Variants in SGCZ observed in about 807,000 individuals in gnomAD.
The protein encoded by SGCZ is zeta-sarcoglycan.
SGCZ carries 40 observed loss-of-function variants against 41.3 expected under a neutral mutation model. The observed-to-expected ratio is 0.97, with a 90% CI of 0.75 to 1.26. The LOEUF is 1.26. SGCZ is among the 50% of genes most tolerant of loss of function. The pLI is 0.00. For missense variants in SGCZ, 552 were observed against 369.8 expected (o/e 1.49, Z -4.04); for synonymous variants, 206 against 137.5 (o/e 1.50, Z -3.49).
chr8:14,475,960 C>A (rs1005116258), intron 2 of SGCZ, among the ~76,000 whole-genome samples: 5 of 151,768 alleles, frequency 3.3e-5, no homozygotes. Flanking sequence ...TACAGGTTTG[C>A]GCCACCATGC....
intron 1 of SGCZ, among the ~76,000 whole-genome samples, chr8:14,948,918 G>T (rs1800540848): frequency 1.3e-5 from 2 of 151,712 alleles, no homozygotes; most frequent in South Asian, 4.2e-4. Flanking sequence ...TTGAAAGCCA[G>T]GATTTCTCCA....
intron 1 of SGCZ, among the ~76,000 whole-genome samples, chr8:14,867,856 A>T (rs2130695689): frequency 6.6e-6 from 1 of 151,144 alleles, no homozygotes; most frequent in Non-Finnish European, 1.5e-5. Flanking sequence ...TGTACAACAA[A>T]CCCCCATGAC....
intron 1 of SGCZ, among the ~76,000 whole-genome samples, chr8:14,603,701 C>A (rs1805662249): frequency 2.0e-5 from 3 of 151,980 alleles, no homozygotes; most frequent in African/African-American, 7.2e-5. Flanking sequence ...TCACTGATAG[C>A]AGTTATCTGT....
At chr8:14,916,015 T>C (rs1031023829) in intron 1 of SGCZ, among the ~76,000 whole-genome samples, 2 of 152,174 alleles carry the variant, frequency 1.3e-5, no homozygotes, top group Admixed American at 6.6e-5. Flanking sequence ...TGCAAGTAGA[T>C]TTTGTTTTAG....
At chr8:14,969,965 A>G (rs1801237965) in intron 1 of SGCZ, among the ~76,000 whole-genome samples, 2 of 151,894 alleles carry the variant, frequency 1.3e-5, no homozygotes, top group Admixed American at 6.6e-5. Context: ...GTACCCTTTT[A>G]CCTCCCCTAG....
chr8:14,740,748 C>A (rs553589453), intron 1 of SGCZ, among the ~76,000 whole-genome samples: 42 of 152,112 alleles, frequency 2.8e-4, no homozygotes, highest in Non-Finnish European at 5.2e-4. Flanking sequence ...ATTTGAGGAT[C>A]ATCTCCCCCT....
chr8:14,638,822 A>AT (rs1270544467), intron 1 of SGCZ, among the ~76,000 whole-genome samples: 1 of 151,752 alleles, frequency 6.6e-6, no homozygotes, highest in Non-Finnish European at 1.5e-5. Flanking sequence ...GAGGATAAGG[A>AT]TTTTTTGGAA....
intron 3 of SGCZ, among the ~76,000 whole-genome samples, chr8:14,267,176 A>C (rs1388498444): frequency 6.6e-6 from 1 of 151,926 alleles, no homozygotes; most frequent in Non-Finnish European, 1.5e-5. Context: ...TTTTTAGTAC[A>C]TTATGGATTA....
At chr8:14,611,425 C>A (rs1257010321) in intron 1 of SGCZ, among the ~76,000 whole-genome samples, 1 of 151,992 alleles carries the variant, frequency 6.6e-6, no homozygotes, top group East Asian at 1.9e-4. Flanking sequence ...AAAATTGTTT[C>A]TGGGAATAAA....
At chr8:14,209,976 G>C (rs948685717) in intron 4 of SGCZ, among the ~76,000 whole-genome samples, 1 of 143,420 alleles carries the variant, frequency 7.0e-6, no homozygotes, top group Non-Finnish European at 1.5e-5. Context: ...AATGAGTGCT[G>C]TGTCTTCAAA....
chr8:15,031,059 T>C (rs527608495), intron 1 of SGCZ, among the ~76,000 whole-genome samples: 1 of 152,252 alleles, frequency 6.6e-6, no homozygotes, highest in African/African-American at 2.4e-5. Flanking sequence ...TCTCAAATCA[T>C]ATTTCGCGTG....
chr8:14,915,590 C>T (rs180864191), intron 1 of SGCZ, among the ~76,000 whole-genome samples: 9 of 152,078 alleles, frequency 5.9e-5, no homozygotes, highest in African/African-American at 2.2e-4. Flanking sequence ...AAGATGGCAC[C>T]GATCAACTGG....
In SGCZ at chr8:14,431,565, A is replaced by G. The variant is rs80078611; in HGVS notation, c.235-107361T>C. 3.3e-5 allele frequency among the ~76,000 whole-genome samples: 5 copies of G among 152,226 alleles called. No individual in the cohort carries two copies. In the East Asian group the frequency reaches 7.7e-4, roughly 23 times the overall value. Reference sequence around the variant, plus strand: ...CAAGATGGATCAAGAACTTCCATCTAAGACTTGAAACTATAAAAATTCTAA... The same window carrying G: ...CAAGATGGATCAAGAACTTCCATCTGAGACTTGAAACTATAAAAATTCTAA... On this transcript the variant is annotated intron_variant, in intron 2 of 7. Transcript: ENST00000382080.
rs550683367 is a variant in SGCZ at position 14,955,379 on chromosome 8, C to G, written c.39+282206G>C. Among the ~76,000 whole-genome samples the G allele has an allele frequency of 1.2e-4, 18 of 152,290 alleles. No homozygotes were observed. In the South Asian group the frequency reaches 3.7e-3, roughly 32 times the overall value. On this transcript the variant is annotated intron_variant, in intron 1 of 7. Transcript: ENST00000382080. ...AGATCCTGGTTCTTCCCAGCTGGGG[C>G]TCAAACGTACAATGTACTTTAAGCA... is the stretch of plus-strand genomic sequence containing the variant.
rs372650101 is a variant in SGCZ at position 14,930,918 on chromosome 8, GAC to G, written c.39+306665_39+306666del. Among the ~76,000 whole-genome samples the G allele has an allele frequency of 1.3e-3, 203 of 152,082 alleles. 10 individuals carry two copies. In the South Asian group the frequency reaches 0.032, roughly 24 times the overall value. Reference sequence around the variant, plus strand: ...ATTAGGAGAAATACCTACTTTAGATGACAGTTGATGGGTGCAGCAAACCACCA... The same window carrying G: ...ATTAGGAGAAATACCTACTTTAGATGAGTTGATGGGTGCAGCAAACCACCA... On this transcript the variant is annotated intron_variant, in intron 1 of 7. Transcript: ENST00000382080.
At chr8:14,258,898 A>G (rs1190161227) in intron 3 of SGCZ, among the ~76,000 whole-genome samples, 1 of 152,192 alleles carries the variant, frequency 6.6e-6, no homozygotes, top group African/African-American at 2.4e-5. Flanking sequence ...ACTTCCAAAA[A>G]TAATTAGACA....
chr8:14,427,088 GTGAA>G (rs935453328), intron 2 of SGCZ, among the ~76,000 whole-genome samples: 28 of 117,736 alleles, frequency 2.4e-4, no homozygotes, highest in South Asian at 8.8e-4. Context: ...GAATGAATGA[GTGAA>G]TGAATGAATG....
intron 1 of SGCZ, among the ~76,000 whole-genome samples, chr8:14,880,778 G>C (rs1285033304): frequency 6.6e-6 from 1 of 152,098 alleles, no homozygotes; most frequent in African/African-American, 2.4e-5. Context: ...ACAGGAAGGG[G>C]AACACCAGAC....
At chr8:14,876,518 C>G (rs1804361910) in intron 1 of SGCZ, among the ~76,000 whole-genome samples, 1 of 152,056 alleles carries the variant, frequency 6.6e-6, no homozygotes, top group African/African-American at 2.4e-5. Flanking sequence ...TAAATGAAAT[C>G]AACAACTCTG....
Sources: allele counts gnomAD v4.1 joint callset (sites outside exome capture counted in the v4.1 genomes callset), GRCh38; gene constraint gnomAD v4.1.1; transcripts MANE v1.5; gene names NCBI Gene and HGNC (gene_info 2026-07-23, HGNC 2026-07-21).